The following RAB14 variants were observed in gnomAD, a reference collection of about 807,000 sequenced individuals.
RAB14 encodes the protein RAB14, member RAS oncogene family.
RAB14 carries 3 observed loss-of-function variants against 31.1 expected under a neutral mutation model. That is an observed-to-expected ratio of 0.10 (90% CI 0.04 to 0.25). The LOEUF (loss-of-function observed/expected upper bound fraction) is 0.25. Among genes scored for constraint, RAB14 ranks in the 10% least tolerant of loss-of-function variants. RAB14 has a pLI of 1.00. For missense variants in RAB14, 111 were observed against 260.1 expected (o/e 0.43, Z 3.94); for synonymous variants, 85 against 84.9 (o/e 1.00, Z 0.00).
At chr9:121,193,087 T>C (rs2053695712) in intron 2 of RAB14, among the ~76,000 whole-genome samples, 1 of 152,170 alleles carries the variant, frequency 6.6e-6, no homozygotes, top group Admixed American at 6.5e-5. Context: ...CTTGAAACAC[T>C]GATACTTCCT....
intron 4 of RAB14, among the ~76,000 whole-genome samples, chr9:121,187,276 T>C (rs76282110): frequency 0.015 from 2,252 of 152,102 alleles, 52 homozygotes; most frequent in African/African-American, 0.052. Flanking sequence ...CCTAAAAGCA[T>C]ACCGTAAACA....
intron 1 of RAB14, among the ~76,000 whole-genome samples, chr9:121,200,529 C>T (rs959585517): frequency 6.6e-6 from 1 of 152,202 alleles, no homozygotes; most frequent in Admixed American, 6.5e-5. Flanking sequence ...GGCATCTCTC[C>T]TTTGGGGTTT....
intron 5 of RAB14, among the ~76,000 whole-genome samples, chr9:121,184,296 A>C (rs2053648485): frequency 1.3e-5 from 2 of 152,148 alleles, no homozygotes; most frequent in African/African-American, 4.8e-5. Flanking sequence ...AATATCACCC[A>C]CCAACCTATA....
intron 5 of RAB14, among the ~76,000 whole-genome samples, chr9:121,186,339 T>C (rs1006308508): frequency 3.9e-5 from 6 of 152,194 alleles, no homozygotes; most frequent in Admixed American, 3.3e-4. Flanking sequence ...GCATATCTGC[T>C]GGTTCTCTCC....
rs397814825 is a variant in RAB14, at chr9:121,183,236, A to AC, written c.439+74dup. ...ATTTAAAAAAAAAATGCAAAAAAAAACCAACAAAACTGTCAAGCCCACCTT... is the reference window on the plus strand; with the variant it reads ...ATTTAAAAAAAAAATGCAAAAAAAAACCCAACAAAACTGTCAAGCCCACCTT... On this transcript the variant is annotated intron_variant, in intron 6 of 7. Transcript: ENST00000373840. 3.8e-4 allele frequency: 495 copies of AC among 1,291,380 alleles called. 2 individuals are homozygous for AC. The East Asian group carries it at 6.2e-3, about 16-fold the overall frequency. 80.0% of individuals were successfully genotyped at this position (1,291,380 alleles called of 1,614,324 possible). A position where few individuals can be genotyped will look rare whatever the true frequency, so the allele number is the denominator to read the frequency against.
chr9:121,183,957 G>C (rs2053646752), intron 5 of RAB14, among the ~76,000 whole-genome samples: 1 of 152,110 alleles, frequency 6.6e-6, no homozygotes, highest in Non-Finnish European at 1.5e-5. Flanking sequence ...GCTTCCATCA[G>C]GTTTTCAAAC....
In RAB14 at chr9:121,181,587, G is replaced by A; in HGVS notation, c.471-14C>T. ...ACATTCTCTCCCCTAAGAGGCAATT[G>A]ATAACTTTATTGGAGAACCACAGTT... On this transcript the variant is annotated splice_polypyrimidine_tract_variant and intron_variant, in intron 7 of 7. Coordinates refer to ENST00000373840, the MANE Select transcript of RAB14 (RefSeq NM_016322.4). 1 of 1,593,248 alleles carries A rather than the reference G, an allele frequency of 6.3e-7. No individual in the cohort carries two copies. Among genetic ancestry groups the A allele is most frequent in the Non-Finnish European group, 8.6e-7 (1 of 1,163,510 alleles).
Position 121,196,645 on chromosome 9 carries a change from C to G in RAB14, c.-7-3226G>C, listed in dbSNP as rs576779519. ...CACACCATCCTGCCCTCTCCACCGT[C>G]GTGCCTCCTCCACATGGTTATCAGC... On this transcript the variant is annotated intron_variant, in intron 1 of 7. Coordinates refer to ENST00000373840, the MANE Select transcript of RAB14 (RefSeq NM_016322.4). Among the ~76,000 whole-genome samples, 260 of 152,222 alleles carry G rather than the reference C, an allele frequency of 1.7e-3. 1 individual carries two copies. Among genetic ancestry groups the G allele is most frequent in the African/African-American group, 6.0e-3 (251 of 41,532 alleles).
At chr9:121,191,862 G>A (rs180848498) in intron 3 of RAB14, among the ~76,000 whole-genome samples, 5 of 152,066 alleles carry the variant, frequency 3.3e-5, no homozygotes, top group Non-Finnish European at 4.4e-5. Flanking sequence ...CTCCTAATAA[G>A]ACAATCAATT....
chr9:121,200,742 G>A (rs1043437472), intron 1 of RAB14, among the ~76,000 whole-genome samples: 1 of 152,224 alleles, frequency 6.6e-6, no homozygotes, highest in Non-Finnish European at 1.5e-5. Flanking sequence ...AAGCCAGTTT[G>A]TAATGTACCA....
intron 2 of RAB14, among the ~76,000 whole-genome samples, chr9:121,192,674 T>G (rs1051986562): frequency 6.6e-6 from 1 of 152,148 alleles, no homozygotes; most frequent in Admixed American, 6.6e-5. Flanking sequence ...ATACTTCTTG[T>G]ATTATTCTAT....
At chr9:121,183,004 C>G (rs1007876877) in intron 6 of RAB14, 44 bp from the exon 7 acceptor site, 1 of 1,547,226 alleles carries the variant, frequency 6.5e-7, no homozygotes, top group African/African-American at 1.4e-5. Flanking sequence ...TTCAAACTAA[C>G]TCACAAGTGC....
intron 3 of RAB14, 88 bp downstream of exon 3, chr9:121,192,083 T>A: frequency 1.0e-6 from 1 of 984,318 alleles, no homozygotes; most frequent in Non-Finnish European, 1.5e-6. Context: ...TTTAAATGCA[T>A]GAAGTATACT....
intron 7 of RAB14, among the ~76,000 whole-genome samples, 193 bp from the exon 8 acceptor site, chr9:121,181,766 T>G (rs975694226): frequency 7.0e-6 from 1 of 143,716 alleles, no homozygotes; most frequent in Non-Finnish European, 1.5e-5. Context: ...TTTTTTTTTT[T>G]GAGACAGAGA....
At position 121,181,003 on chromosome 9, in the gene RAB14, A is replaced by G. The variant is rs2053629661; in HGVS notation, c.*393T>C. 1 of 157,570 alleles carries G rather than the reference A, an allele frequency of 6.3e-6. No homozygotes were observed. Among genetic ancestry groups the G allele is most frequent in the African/African-American group, 2.4e-5 (1 of 41,670 alleles). The allele number at this position is 157,570 out of a possible 1,614,324, so 9.8% of individuals were successfully genotyped here. ...TTGGTTACAACAGACATACTTGAACAGTTAAGGATGGGAAGAAAGGCTTAA... is the reference window on the plus strand; with the variant it reads ...TTGGTTACAACAGACATACTTGAACGGTTAAGGATGGGAAGAAAGGCTTAA... On this transcript the variant is annotated 3_prime_UTR_variant, in exon 8 of 8. Coordinates refer to ENST00000373840, the MANE Select transcript of RAB14 (RefSeq NM_016322.4).
intron 1 of RAB14, among the ~76,000 whole-genome samples, chr9:121,193,882 T>C (rs2053699688): frequency 6.6e-6 from 1 of 152,106 alleles, no homozygotes; most frequent in African/African-American, 2.4e-5. Context: ...GAATGGTATA[T>C]AAAGGAACCA....
At chr9:121,190,335 ATAAC>A (rs1386852445) in intron 4 of RAB14, among the ~76,000 whole-genome samples, 9 of 152,148 alleles carry the variant, frequency 5.9e-5, no homozygotes, top group Non-Finnish European at 1.2e-4. Flanking sequence ...GCTTCACCCA[ATAAC>A]TAACTCCCTA....
intron 1 of RAB14, among the ~76,000 whole-genome samples, chr9:121,200,664 G>A (rs188377429): frequency 9.9e-5 from 15 of 152,256 alleles, no homozygotes; most frequent in Admixed American, 3.3e-4. Flanking sequence ...CATTATAAAT[G>A]GTCATGTCTG....
chr9:121,187,442 T>C (rs1350691362), intron 4 of RAB14, among the ~76,000 whole-genome samples: 1 of 152,056 alleles, frequency 6.6e-6, no homozygotes, highest in Non-Finnish European at 1.5e-5. Flanking sequence ...GAAGACACTT[T>C]TGCTTGTCTT....
Sources: gnomAD v4.1 joint callset for allele counts (sites outside exome capture counted in the v4.1 genomes callset) on GRCh38, gnomAD v4.1.1 for gene constraint, MANE v1.5 for transcripts, NCBI Gene and HGNC (gene_info 2026-07-23, HGNC 2026-07-21) for gene names.